CRNKL1: variants seen among roughly 807,000 people sequenced by gnomAD.
CRNKL1 encodes the protein crooked neck-like protein 1.
A neutral mutation model predicts 103.7 loss-of-function variants in CRNKL1; 35 were observed. The ratio of observed to expected loss-of-function variants is 0.34; its 90% confidence interval spans 0.26 to 0.45. CRNKL1 has a LOEUF of 0.45. CRNKL1 is among the 20% of genes least tolerant of loss of function. The pLI, the probability that CRNKL1 is intolerant of heterozygous loss-of-function variation, is 1.00. For synonymous variants in CRNKL1, 267 were observed against 282.6 expected, an observed-to-expected ratio of 0.94 and a Z score of 0.55; for missense variants, 645 against 836.0, an observed-to-expected ratio of 0.77 and a Z score of 2.82.
At chr20:20,052,849 C>A, upstream of CRNKL1, 2 of 863,642 alleles carry the variant, frequency 2.3e-6, no homozygotes, top group South Asian at 1.7e-5. Context: ...TGCAATGCCT[C>A]GAGCATTGCA....
At chr20:20,038,578 A>G (rs2043460269) in intron 11 of CRNKL1, 128 bp from the exon 12 acceptor site, 1 of 594,822 alleles carries the variant, frequency 1.7e-6, no homozygotes, top group African/African-American at 1.9e-5. Context: ...CAACTAAAGA[A>G]CACATGTGGA....
At chr20:20,055,033 C>G (rs535579695), upstream of CRNKL1, among the ~76,000 whole-genome samples, 1 of 152,104 alleles carries the variant, frequency 6.6e-6, no homozygotes. Flanking sequence ...GTGCTTCTTT[C>G]TAGATAATTT....
Position 20,043,548 on chromosome 20 carries a change from C to A in CRNKL1, c.916G>T (p.Gly306Cys). 6.2e-7 allele frequency: 1 copy of A among 1,614,004 alleles called. No homozygotes were observed. ...TTGCTCACAATGATATCTTCAATAC[C>A]CCGCCTATCACCAAACTTCTTCTCA... ...IFEKKFGDRR[G>C]IEDIIVSKRR... is the part of the protein sequence containing the mutation. The change falls in exon 7 of 14, where the codon GGT becomes TGT. Residue 306 changes from glycine to cysteine, a missense_variant. Transcript: ENST00000536226.
At chr20:20,055,804 C>T (rs1277637837), upstream of CRNKL1, 5 of 647,564 alleles carry the variant, frequency 7.7e-6, no homozygotes, top group African/African-American at 1.9e-5. Context: ...ATTTCTCCTT[C>T]ATTGTTTTCC....
chr20:20,040,408 T>C (rs903272155), intron 10 of CRNKL1, among the ~76,000 whole-genome samples: 5 of 151,906 alleles, frequency 3.3e-5, no homozygotes, highest in African/African-American at 1.2e-4. Context: ...CAGGATCAGA[T>C]TACTAATTCC....
At chr20:20,040,448 C>T (rs904900199) in intron 10 of CRNKL1, among the ~76,000 whole-genome samples, 2 of 151,970 alleles carry the variant, frequency 1.3e-5, no homozygotes, top group African/African-American at 4.8e-5. Flanking sequence ...TAACTGGTAG[C>T]TATAGAAGTT....
chr20:20,036,133 T>A lies in CRNKL1; in HGVS notation c.*62A>T. 6.6e-7 allele frequency: 1 copy of A among 1,516,804 alleles called. No homozygotes were observed. 94.0% of individuals were successfully genotyped at this position (1,516,804 alleles called of 1,614,324 possible). A position where few individuals can be genotyped will look rare whatever the true frequency, so the allele number is the denominator to read the frequency against. On this transcript the variant is annotated 3_prime_UTR_variant, in exon 14 of 14. Coordinates refer to ENST00000536226, the MANE Select transcript of CRNKL1 (RefSeq NM_001278628.2). The stretch of plus-strand genomic sequence containing the variant: ...TGAAATATATAAGAACTTCCAGGAG[T>A]CACAAGAGTTCCAAACAATTAATTT...
At chr20:20,043,909 A>G (rs1248175234) in intron 6 of CRNKL1, among the ~76,000 whole-genome samples, 2 of 152,118 alleles carry the variant, frequency 1.3e-5, no homozygotes, top group African/African-American at 4.8e-5. Context: ...TGCACATCTC[A>G]AACAGGTCCA....
Position 20,040,740 on chromosome 20 carries a change from C to T in CRNKL1, c.1251G>A (p.Leu417=). The T allele has an allele frequency of 1.2e-6, 2 of 1,611,236 alleles. No individual in the cohort carries two copies. Among genetic ancestry groups the T allele is most frequent in the Admixed American group, 3.3e-5 (2 of 59,886 alleles). The part of the protein sequence containing the change: ...KKFTFAKMWI[L]YAQFEIRQKN... ...TCTGTCGTATTTCAAACTGTGCATA[C>T]AGTATCCACATTTTGGCAAATGTGA... is the stretch of plus-strand genomic sequence containing the variant. Residue 417 remains leucine, a synonymous_variant, in exon 10 of 14, where the codon CTG becomes CTA. Transcript: ENST00000536226.
chr20:20,052,248 C>G, intron 1 of CRNKL1, 44 bp downstream of exon 1: 1 of 1,543,066 alleles, frequency 6.5e-7, no homozygotes. Flanking sequence ...GAGGGATGCC[C>G]CTTTCCTAGG....
At chr20:20,040,581 C>G in intron 10 of CRNKL1, 105 bp downstream of exon 10, 1 of 844,654 alleles carries the variant, frequency 1.2e-6, no homozygotes. Flanking sequence ...AGGTATAATA[C>G]TTCTGTCACT....
Position 20,035,263 on chromosome 20 carries a change from T to C in CRNKL1, c.*932A>G, listed in dbSNP as rs955308624. ...TCCACTAAGTTTGGGAAATAAATAA[T>C]ATGGCAACATTGCTACTGGAGATAC... On this transcript the variant is annotated 3_prime_UTR_variant, in exon 14 of 14. Coordinates refer to ENST00000536226, the MANE Select transcript of CRNKL1 (RefSeq NM_001278628.2). 1 of 152,208 alleles carries C rather than the reference T, an allele frequency of 6.6e-6. No homozygotes were observed. The highest frequency in any genetic ancestry group is 1.5e-5 in the Non-Finnish European group (1 of 68,042). 9.4% of individuals were successfully genotyped at this position (152,208 alleles called of 1,614,324 possible). A position where few individuals can be genotyped will look rare whatever the true frequency, so the allele number is the denominator to read the frequency against.
chr20:20,036,418 A>G, intron 13 of CRNKL1, 56 bp from the exon 14 acceptor site: 1 of 1,524,778 alleles, frequency 6.6e-7, no homozygotes, highest in Non-Finnish European at 9.0e-7. Flanking sequence ...CTCACATATC[A>G]GAGTGAAGAA....
At chr20:20,047,431 A>C (rs1487434555) in intron 5 of CRNKL1, among the ~76,000 whole-genome samples, 1 of 152,214 alleles carries the variant, frequency 6.6e-6, no homozygotes, top group Non-Finnish European at 1.5e-5. Context: ...ACATCATTTT[A>C]TATGAGGGAC....
intron 1 of CRNKL1, among the ~76,000 whole-genome samples, chr20:20,051,222 C>G (rs1600257980): frequency 6.6e-6 from 1 of 152,000 alleles, no homozygotes; most frequent in African/African-American, 2.4e-5. Flanking sequence ...GTAAAATACA[C>G]ATTGGTTTTG....
chr20:20,040,600 T>C (rs907140154), intron 10 of CRNKL1, 86 bp downstream of exon 10: 1 of 981,106 alleles, frequency 1.0e-6, no homozygotes, highest in South Asian at 1.4e-5. Flanking sequence ...CTCTTTAAAG[T>C]AGGAACTGTA....
rs2043620669 is a variant in CRNKL1 at position 20,047,926 on chromosome 20, T to C, written c.461A>G (p.Lys154Arg). 3.7e-6 allele frequency: 6 copies of C among 1,611,648 alleles called. No homozygotes were observed. The highest frequency in any genetic ancestry group is 5.1e-6 in the Non-Finnish European group (6 of 1,177,964). ...CAACATTTCCTCCATGTACGTGTACTTGTACCTGTAACAAAATCACCCGAA... is the reference window on the plus strand; with the variant it reads ...CAACATTTCCTCCATGTACGTGTACCTGTACCTGTAACAAAATCACCCGAA... ...TLPRVNQFWY[K>R]YTYMEEMLGN... The change falls in exon 5 of 14, where the codon AAG becomes AGG. Residue 154 changes from lysine (K) to arginine (R), a missense_variant. Coordinates refer to ENST00000536226, the MANE Select transcript of CRNKL1 (RefSeq NM_001278628.2).
chr20:20,050,767 A>G (rs955324399), intron 1 of CRNKL1, 145 bp from the exon 2 acceptor site: 3 of 612,758 alleles, frequency 4.9e-6, no homozygotes, highest in Non-Finnish European at 7.9e-6. Flanking sequence ...TTCCTCCATG[A>G]GACTGAAAAG....
At position 20,042,642 on chromosome 20, in the gene CRNKL1, C is replaced by T. The variant is rs2043533990; in HGVS notation, c.973-126G>A. ...TTAGCACCTTTTCTTCTAAATGTTA[C>T]ATGTTCTTTCATTTTAAAAACACCA... On this transcript the variant is annotated intron_variant, in intron 7 of 13. Coordinates refer to ENST00000536226, the MANE Select transcript of CRNKL1 (RefSeq NM_001278628.2). The T allele has an allele frequency of 5.0e-6, 4 of 792,924 alleles. No homozygotes were observed. The East Asian group carries it at 1.1e-4, about 21-fold the overall frequency. The allele number at this position is 792,924 out of a possible 1,614,324, so 49.1% of individuals were successfully genotyped here.
Sources: gnomAD v4.1 joint callset for allele counts (sites outside exome capture counted in the v4.1 genomes callset) on GRCh38, gnomAD v4.1.1 for gene constraint, MANE v1.5 for transcripts, NCBI Gene and HGNC (gene_info 2026-07-23, HGNC 2026-07-21) for gene names.